OR1J2: variants seen among roughly 807,000 people sequenced by gnomAD.
OR1J2 encodes the protein olfactory receptor family 1 subfamily J member 2.
For missense variants in OR1J2, 304 were observed against 246.1 expected, an observed-to-expected ratio of 1.24 and a Z score of -1.57; for synonymous variants, 142 against 99.7, an observed-to-expected ratio of 1.42 and a Z score of -2.52.
the OR1J2 span, among the ~76,000 whole-genome samples, chr9:122,561,523 G>T: frequency 1.3e-5 from 2 of 152,100 alleles, no homozygotes; most frequent in Non-Finnish European, 2.9e-5. Context: ...TGAGGTTTTT[G>T]TGGGGACGTT....
the OR1J2 span, among the ~76,000 whole-genome samples, chr9:122,563,177 A>C: frequency 1.1e-5 from 1 of 94,312 alleles, no homozygotes; most frequent in Non-Finnish European, 2.0e-5. Context: ...CCTCACTAGC[A>C]TTTGTTATTT....
chr9:122,457,309 C>A, the OR1J2 span, among the ~76,000 whole-genome samples: 2 of 152,016 alleles, frequency 1.3e-5, no homozygotes, highest in African/African-American at 4.8e-5. Context: ...ATAGGTGCAA[C>A]AAACCACCAT....
the OR1J2 span, chr9:122,526,960 A>G: frequency 1.2e-6 from 2 of 1,614,230 alleles, no homozygotes; most frequent in Non-Finnish European, 1.7e-6. Context: ...GCAGCCAGGA[A>G]GAAGCTGTCT....
the OR1J2 span, among the ~76,000 whole-genome samples, chr9:122,534,624 G>A: frequency 0.046 from 6,978 of 152,150 alleles, 222 homozygotes; most frequent in Middle Eastern, 0.075. Context: ...GTGGAGGAGC[G>A]GAGGCTGAGG....
the OR1J2 span, among the ~76,000 whole-genome samples, chr9:122,458,651 A>G: frequency 6.6e-6 from 1 of 151,842 alleles, no homozygotes; most frequent in African/African-American, 2.4e-5. Flanking sequence ...CATGGGAAAG[A>G]CTCCCCACCC....
chr9:122,518,774 G>T, the OR1J2 span, among the ~76,000 whole-genome samples: 1 of 152,148 alleles, frequency 6.6e-6, no homozygotes, highest in Non-Finnish European at 1.5e-5. Flanking sequence ...AGTTCAATAT[G>T]TTACAACATG....
At chr9:122,513,045 T>C (rs760846658), downstream of OR1J2, among the ~76,000 whole-genome samples, 4 of 152,214 alleles carry the variant, frequency 2.6e-5, no homozygotes, top group Non-Finnish European at 4.4e-5. Flanking sequence ...TGGCAGAATA[T>C]TGAACAATTT....
chr9:122,502,162 C>T, the OR1J2 span, among the ~76,000 whole-genome samples: 1 of 152,212 alleles, frequency 6.6e-6, no homozygotes, highest in East Asian at 1.9e-4. Context: ...AGTTGAAGCT[C>T]TGGACAGAAT....
At chr9:122,577,190 C>T in the OR1J2 span, among the ~76,000 whole-genome samples, 1 of 151,968 alleles carries the variant, frequency 6.6e-6, no homozygotes, top group South Asian at 2.1e-4. Flanking sequence ...TTTTTTTAAC[C>T]TCTAAAGAAG....
chr9:122,496,110 G>A, the OR1J2 span, among the ~76,000 whole-genome samples: 2 of 152,158 alleles, frequency 1.3e-5, no homozygotes, highest in Non-Finnish European at 2.9e-5. Flanking sequence ...GAAGTTGACT[G>A]TGTGAGGGTC....
chr9:122,476,892 G>T, the OR1J2 span: 1 of 695,098 alleles, frequency 1.4e-6, no homozygotes, highest in South Asian at 1.8e-5. Flanking sequence ...ATTTTTAGTA[G>T]AGACTGGGTT....
the OR1J2 span, among the ~76,000 whole-genome samples, chr9:122,559,651 C>A: frequency 6.6e-6 from 1 of 151,810 alleles, no homozygotes; most frequent in Non-Finnish European, 1.5e-5. Context: ...GTTTTTTAAT[C>A]TTGAGTTCTA....
chr9:122,472,785 C>T, the OR1J2 span, among the ~76,000 whole-genome samples: 1 of 152,232 alleles, frequency 6.6e-6, no homozygotes, highest in East Asian at 1.9e-4. Context: ...TCCCTCTGAC[C>T]TCATTGAGAG....
chr9:122,522,000 G>T, the OR1J2 span, among the ~76,000 whole-genome samples: 3 of 152,194 alleles, frequency 2.0e-5, no homozygotes, highest in East Asian at 3.8e-4. Flanking sequence ...AGATCAGTTT[G>T]TCTTGGTTTT....
chr9:122,532,057 T>TGGAACAC, the OR1J2 span, among the ~76,000 whole-genome samples: 7 of 93,242 alleles, frequency 7.5e-5, no homozygotes, highest in African/African-American at 2.2e-4. Context: ...GAATAGCAAA[T>TGGAACAC]TTGCCAGTCC....
At chr9:122,501,250 T>C in the OR1J2 span, among the ~76,000 whole-genome samples, 4 of 152,144 alleles carry the variant, frequency 2.6e-5, no homozygotes, top group African/African-American at 4.8e-5. Context: ...TTGAATTTCA[T>C]AGGAAAGACT....
the OR1J2 span, among the ~76,000 whole-genome samples, chr9:122,498,740 C>T: frequency 6.6e-6 from 1 of 152,194 alleles, no homozygotes; most frequent in African/African-American, 2.4e-5. Context: ...GGTTCCTTTT[C>T]ATCTGGAGAT....
the OR1J2 span, among the ~76,000 whole-genome samples, chr9:122,501,837 A>G: frequency 2.0e-5 from 3 of 152,240 alleles, no homozygotes; most frequent in Non-Finnish European, 4.4e-5. Flanking sequence ...GGAAACAGCA[A>G]TAGGAGAGTG....
the OR1J2 span, chr9:122,567,248 AT>A: frequency 8.2e-6 from 2 of 243,960 alleles, no homozygotes. Context: ...AAGGAGAGAA[AT>A]TTGTTTAGGA....
Sources: gnomAD v4.1 joint callset for allele counts (sites outside exome capture counted in the v4.1 genomes callset) on GRCh38, gnomAD v4.1.1 for gene constraint, MANE v1.5 for transcripts, NCBI Gene and HGNC (gene_info 2026-07-23, HGNC 2026-07-21) for gene names.